HECTD4: variants seen among roughly 807,000 people sequenced by gnomAD.
HECTD4 encodes HECT domain E3 ubiquitin protein ligase 4.
In HECTD4, 114 loss-of-function variants were observed where a neutral mutation model predicts 471.5. That is an observed-to-expected ratio of 0.24 (90% CI 0.21 to 0.28). The LOEUF is 0.28. HECTD4 is among the 10% of genes least tolerant of loss of function. The probability of loss-of-function intolerance (pLI) is 1.00; values close to 1 mark genes in which losing one functional copy is unlikely to be tolerated. For synonymous variants in HECTD4, 2,012 were observed against 2,256.0 expected (o/e 0.89, Z 3.07); for missense variants, 3,866 against 5,651.5 (o/e 0.68, Z 10.13).
Position 112,235,648 on chromosome 12 carries a change from T to A in HECTD4, c.5581A>T (p.Ser1861Cys). 1.2e-6 allele frequency: 2 copies of A among 1,613,990 alleles called. No individual in the cohort carries two copies. Among genetic ancestry groups the A allele is most frequent in the Non-Finnish European group, 1.7e-6 (2 of 1,179,892 alleles). ...TCCACGTTTCCACAGTCTTCTACGCTCATCAGGGGCAGCGCCGCCCGGCAC... is the reference window on the plus strand; with the variant it reads ...TCCACGTTTCCACAGTCTTCTACGCACATCAGGGGCAGCGCCGCCCGGCAC... ...QLCRAALPLMSVEDCGNVELP... is the reference protein window; with the variant it reads ...QLCRAALPLMCVEDCGNVELP... Residue 1861 changes from serine to cysteine, a missense_variant, in exon 36 of 76, where the codon AGC becomes TGC. Around this residue, in one of 16 missense-constraint regions of HECTD4, gnomAD observed 617 missense variants for 915.1 expected, o/e 0.67. Transcript: ENST00000682272. The surrounding 1 kb of genome is among the most constrained non-coding windows in gnomAD (Gnocchi z 5.0).
At chr12:112,358,441 C>A (rs2036386061) in intron 1 of HECTD4, among the ~76,000 whole-genome samples, 1 of 151,748 alleles carries the variant, frequency 6.6e-6, no homozygotes, top group South Asian at 2.1e-4. Flanking sequence ...CATAGCAAAA[C>A]CTCATTTCAA....
Position 112,172,758 on chromosome 12 carries a change from G to A in HECTD4, c.11698C>T (p.Leu3900Phe). The A allele has an allele frequency of 6.2e-7, 1 of 1,614,036 alleles. No homozygotes were observed. Among genetic ancestry groups the A allele is most frequent in the Non-Finnish European group, 8.5e-7 (1 of 1,179,900 alleles). Reference protein sequence around the residue: ...VQYINQLCRHLAITPARLHPH... With the variant: ...VQYINQLCRHFAITPARLHPH... The stretch of plus-strand genomic sequence containing the variant: ...TGGAGCCGTGCGGGTGTGATGGCGA[G>A]GTGGCGGCATAGCTGGTTGATGTAC... Residue 3900 changes from leucine to phenylalanine, a missense_variant, in exon 67 of 76, where the codon CTC (leucine) becomes TTC (phenylalanine). Transcript: ENST00000682272.
Position 112,228,109 on chromosome 12 carries a change from G to A in HECTD4, c.6834C>T (p.Leu2278=), listed in dbSNP as rs764441297. 1.3e-5 allele frequency: 21 copies of A among 1,613,008 alleles called. No individual in the cohort carries two copies. Among genetic ancestry groups the A allele is most frequent in the Non-Finnish European group, 1.8e-5 (21 of 1,179,458 alleles). The change falls in exon 43 of 76, where the codon CTC becomes CTT. Residue 2278 remains leucine (L), a synonymous_variant. Transcript: ENST00000682272. The surrounding 1 kb of genome is among the most constrained non-coding windows in gnomAD (Gnocchi z 4.9). ...CTCACCTTGTCCTTATTTCAGCAAG[G>A]AGCCGAACGACTGCCATCACAGGAG... ...GSAPVMAVVR[L]LAEIRTRACL...
intron 3 of HECTD4, among the ~76,000 whole-genome samples, 178 bp from the exon 4 acceptor site, chr12:112,313,325 T>G (rs1459165155): frequency 1.3e-5 from 2 of 151,876 alleles, no homozygotes. Flanking sequence ...TATGTTTCTT[T>G]TTTTTTTGAG....
At chr12:112,296,940 C>G (rs957188789) in intron 7 of HECTD4, among the ~76,000 whole-genome samples, 1,757 of 52,010 alleles carry the variant, frequency 0.034, no homozygotes, top group Middle Eastern at 0.12. Context: ...TGCAGTGGAT[C>G]TAGGTGCAGA....
At chr12:112,301,946 AAG>A in intron 7 of HECTD4, 1 of 887,596 alleles carries the variant, frequency 1.1e-6, no homozygotes, top group South Asian at 1.3e-5. Flanking sequence ...CTTGGGACCC[AAG>A]ATATTGCCTC....
chr12:112,256,085 G>A (rs979201266), intron 21 of HECTD4, among the ~76,000 whole-genome samples: 1 of 152,136 alleles, frequency 6.6e-6, no homozygotes, highest in African/African-American at 2.4e-5. Context: ...AGCTTACAAA[G>A]TACACTTTCA....
At chr12:112,183,390 C>T in intron 61 of HECTD4, 124 bp from the exon 62 acceptor site, 1 of 772,678 alleles carries the variant, frequency 1.3e-6, no homozygotes, top group Non-Finnish European at 2.1e-6. Flanking sequence ...TGAAAGCTGC[C>T]CTACTCTGGT....
chr12:112,372,909 C>T (rs1299994471), intron 1 of HECTD4, among the ~76,000 whole-genome samples: 2 of 151,972 alleles, frequency 1.3e-5, no homozygotes, highest in East Asian at 1.9e-4. Flanking sequence ...TGCATGCCAC[C>T]ACGCCCAGCT....
chr12:112,176,488 A>G (rs2031453509), intron 65 of HECTD4, 108 bp downstream of exon 65: 1 of 743,112 alleles, frequency 1.3e-6, no homozygotes, highest in Non-Finnish European at 2.4e-6. Flanking sequence ...AGGCCATCCC[A>G]GTAGGAGTGG....
chr12:112,229,892 A>T lies in HECTD4; in HGVS notation c.6337-12T>A. 6.2e-7 allele frequency: 1 copy of T among 1,606,844 alleles called. No homozygotes were observed. The highest frequency in any genetic ancestry group is 8.5e-7 in the Non-Finnish European group (1 of 1,175,898). ...GCTCTAGACAGAACCTAAATATAGA[A>T]GCAGCCCGTGCACTAGGAGTTAAAG... is the stretch of plus-strand genomic sequence containing the variant. On this transcript the variant is annotated splice_polypyrimidine_tract_variant and intron_variant, in intron 40 of 75. Coordinates refer to ENST00000682272, the MANE Select transcript of HECTD4 (RefSeq NM_001388303.1).
chr12:112,288,419 C>G (rs1456507567), intron 7 of HECTD4, among the ~76,000 whole-genome samples: 1 of 151,430 alleles, frequency 6.6e-6, no homozygotes, highest in Admixed American at 6.6e-5. Context: ...CCTAAGAGTT[C>G]AAGATCAGCC....
At chr12:112,167,588 C>T (rs371601855) in intron 71 of HECTD4, 50 bp from the exon 72 acceptor site, 149 of 1,398,578 alleles carry the variant, frequency 1.1e-4, no homozygotes, top group Non-Finnish European at 1.3e-4. Flanking sequence ...CCTCTGTGCC[C>T]GCCAGGGAAC....
At chr12:112,292,538 G>C (rs978338673) in intron 7 of HECTD4, among the ~76,000 whole-genome samples, 1 of 152,168 alleles carries the variant, frequency 6.6e-6, no homozygotes, top group Non-Finnish European at 1.5e-5. Context: ...CCAGCTCCTA[G>C]GATACTACCT....
Position 112,235,002 on chromosome 12 carries a change from A to G in HECTD4, c.5915+75T>C. On this transcript the variant is annotated intron_variant, in intron 37 of 75. Coordinates refer to ENST00000682272, the MANE Select transcript of HECTD4 (RefSeq NM_001388303.1). The surrounding 1 kb of genome is among the most constrained non-coding windows in gnomAD (Gnocchi z 5.0). Reference sequence around the variant, plus strand: ...GGGCCGAGGCAGTCGATACATGTACAGGGCTTACTTAGCACAGTGCCTGTG... The same window carrying G: ...GGGCCGAGGCAGTCGATACATGTACGGGGCTTACTTAGCACAGTGCCTGTG... 7.4e-7 allele frequency: 1 copy of G among 1,347,788 alleles called. No individual in the cohort carries two copies. The highest frequency in any genetic ancestry group is 1.5e-5 in the African/African-American group (1 of 68,636). 83.5% of individuals were successfully genotyped at this position (1,347,788 alleles called of 1,614,324 possible).
intron 10 of HECTD4, among the ~76,000 whole-genome samples, chr12:112,274,485 T>G (rs2034484675): frequency 6.6e-6 from 1 of 152,154 alleles, no homozygotes; most frequent in Non-Finnish European, 1.5e-5. Context: ...GCAGGAAGAT[T>G]GCTTGAGCCT....
At chr12:112,353,943 G>A (rs1324522786) in intron 1 of HECTD4, among the ~76,000 whole-genome samples, 1 of 152,158 alleles carries the variant, frequency 6.6e-6, no homozygotes, top group Non-Finnish European at 1.5e-5. Flanking sequence ...GCACAGTGGT[G>A]CATGCCTGTT....
chr12:112,208,727 C>T, intron 50 of HECTD4, 97 bp from the exon 51 acceptor site: 1 of 1,125,364 alleles, frequency 8.9e-7, no homozygotes. Context: ...TCTTAATTTG[C>T]ATGATAGGAA....
chr12:112,329,429 G>T (rs2035806466), intron 1 of HECTD4, among the ~76,000 whole-genome samples: 1 of 149,056 alleles, frequency 6.7e-6, no homozygotes, highest in African/African-American at 2.5e-5. Context: ...GTGCAGTGGT[G>T]CAATCTCAGC....
Sources: gnomAD v4.1 joint callset for allele counts (sites outside exome capture counted in the v4.1 genomes callset) on GRCh38, gnomAD v4.1.1 for gene constraint, gnomAD v4.1.1 regional missense constraint, Gnocchi (gnomAD v3.1) non-coding constraint, MANE v1.5 for transcripts, NCBI Gene and HGNC (gene_info 2026-07-23, HGNC 2026-07-21) for gene names.